The following CPA6 variants were observed in gnomAD, a reference collection of about 807,000 sequenced individuals.
The protein encoded by CPA6 is carboxypeptidase B.
Under a neutral mutation model 63.3 loss-of-function variants are expected in CPA6, and 58 were observed. The observed-to-expected ratio is 0.92, with a 90% CI of 0.74 to 1.14. The LOEUF (loss-of-function observed/expected upper bound fraction) is 1.14. Among genes scored for constraint, CPA6 ranks in the 50% most tolerant of loss-of-function variants. The pLI, the probability that CPA6 is intolerant of heterozygous loss-of-function variation, is 0.00. For synonymous variants in CPA6, 185 were observed against 179.0 expected, an observed-to-expected ratio of 1.03 and a Z score of -0.27; for missense variants, 565 against 526.6, an observed-to-expected ratio of 1.07 and a Z score of -0.71.
intron 8 of CPA6, among the ~76,000 whole-genome samples, chr8:67,437,285 C>T (rs1810182851): frequency 6.6e-6 from 1 of 152,176 alleles, no homozygotes; most frequent in African/African-American, 2.4e-5. Context: ...GTCCCAGCTA[C>T]TCGGTAAGCT....
At chr8:67,745,455 C>T (rs1817990248) in intron 1 of CPA6, among the ~76,000 whole-genome samples, 1 of 152,140 alleles carries the variant, frequency 6.6e-6, no homozygotes, top group Non-Finnish European at 1.5e-5. Context: ...TATGTTTTTC[C>T]TTCAGAAAAA....
At chr8:67,568,441 C>G (rs976610361) in intron 2 of CPA6, among the ~76,000 whole-genome samples, 1 of 151,988 alleles carries the variant, frequency 6.6e-6, no homozygotes, top group South Asian at 2.1e-4. Context: ...ACAAACAACA[C>G]CAGAAATTTG....
chr8:67,468,487 G>T (rs985493174), intron 8 of CPA6, among the ~76,000 whole-genome samples: 1 of 151,958 alleles, frequency 6.6e-6, no homozygotes, highest in Non-Finnish European at 1.5e-5. Context: ...TCGGGAGGCT[G>T]AGGCAGGAGA....
intron 1 of CPA6, among the ~76,000 whole-genome samples, chr8:67,699,966 T>A (rs998810147): frequency 6.6e-6 from 1 of 152,230 alleles, no homozygotes; most frequent in Non-Finnish European, 1.5e-5. Flanking sequence ...AAATTCTGTA[T>A]GCATTTCCAC....
At chr8:67,731,344 T>C (rs1817701811) in intron 1 of CPA6, among the ~76,000 whole-genome samples, 2 of 152,248 alleles carry the variant, frequency 1.3e-5, no homozygotes, top group African/African-American at 4.8e-5. Flanking sequence ...GGTTTCACCC[T>C]TGGAGAGTCC....
At chr8:67,736,378 C>T (rs1202214036) in intron 1 of CPA6, among the ~76,000 whole-genome samples, 2 of 152,174 alleles carry the variant, frequency 1.3e-5, no homozygotes, top group South Asian at 2.1e-4. Context: ...TCTGACATCC[C>T]AATTCCCTTC....
intron 1 of CPA6, among the ~76,000 whole-genome samples, chr8:67,634,216 ATTATTTATTTG>A (rs1815413895): frequency 2.1e-5 from 2 of 94,280 alleles, no homozygotes; most frequent in African/African-American, 8.7e-5. Flanking sequence ...TATTATTATT[ATTATTTATTTG>A]TTTTTTTTTT....
At chr8:67,638,020 T>C (rs1387445710) in intron 1 of CPA6, among the ~76,000 whole-genome samples, 4 of 150,350 alleles carry the variant, frequency 2.7e-5, no homozygotes, top group Non-Finnish European at 5.9e-5. Context: ...TGCATGCATG[T>C]GTGTTTGTGT....
intron 6 of CPA6, among the ~76,000 whole-genome samples, chr8:67,497,940 G>A (rs543770984): frequency 1.1e-4 from 17 of 151,632 alleles, no homozygotes; most frequent in South Asian, 6.3e-4. Flanking sequence ...GATTCATTCC[G>A]CCTCAGGTGT....
chr8:67,719,375 G>A (rs975162265), intron 1 of CPA6, among the ~76,000 whole-genome samples: 4 of 152,226 alleles, frequency 2.6e-5, no homozygotes, highest in South Asian at 2.1e-4. Flanking sequence ...TGGGCATGCT[G>A]TGGTCAGGAT....
chr8:67,464,437 A>G (rs995134245), intron 8 of CPA6, among the ~76,000 whole-genome samples: 5 of 152,178 alleles, frequency 3.3e-5, no homozygotes, highest in African/African-American at 1.2e-4. Context: ...TCAGATACAT[A>G]GTTTATGAAT....
chr8:67,738,421 C>T (rs932505407), intron 1 of CPA6, among the ~76,000 whole-genome samples: 3 of 152,190 alleles, frequency 2.0e-5, no homozygotes, highest in Non-Finnish European at 4.4e-5. Context: ...CAGAAGCAGC[C>T]TGGTTCTCTG....
chr8:67,680,756 C>T (rs1816574117), intron 1 of CPA6, among the ~76,000 whole-genome samples: 2 of 152,316 alleles, frequency 1.3e-5, no homozygotes, highest in South Asian at 4.1e-4. Flanking sequence ...CCCTGACTGG[C>T]TTTCTGGTTT....
At chr8:67,656,661 G>A (rs924550539) in intron 1 of CPA6, among the ~76,000 whole-genome samples, 4 of 152,216 alleles carry the variant, frequency 2.6e-5, no homozygotes, top group Non-Finnish European at 4.4e-5. Context: ...ATAAAAGGGT[G>A]TAAACTCACC....
At chr8:67,452,212 A>AG (rs1810571941) in intron 8 of CPA6, 1 of 152,274 alleles carries the variant, frequency 6.6e-6, no homozygotes, top group Non-Finnish European at 1.5e-5. Flanking sequence ...AAAGATGGGC[A>AG]GGGCCACAAA....
At chr8:67,473,818 G>C (rs925935239) in intron 8 of CPA6, among the ~76,000 whole-genome samples, 4 of 152,016 alleles carry the variant, frequency 2.6e-5, no homozygotes, top group South Asian at 2.1e-4. Context: ...TGTTGCCCAG[G>C]CTGGTCTCGA....
At chr8:67,588,983 C>T (rs111553258) in intron 2 of CPA6, among the ~76,000 whole-genome samples, 1 of 151,900 alleles carries the variant, frequency 6.6e-6, no homozygotes, top group Admixed American at 6.6e-5. Flanking sequence ...TGGGCATGGT[C>T]GTTCATGCCT....
At chr8:67,531,907 CTAT>C (rs1162474245) in intron 2 of CPA6, among the ~76,000 whole-genome samples, 14 of 145,078 alleles carry the variant, frequency 9.6e-5, no homozygotes, top group African/African-American at 3.7e-4. Flanking sequence ...ACAAAACTAT[CTAT>C]ATTTAGAAAT....
intron 1 of CPA6, among the ~76,000 whole-genome samples, chr8:67,624,760 G>A (rs900391956): frequency 1.3e-5 from 2 of 152,152 alleles, no homozygotes; most frequent in Non-Finnish European, 2.9e-5. Context: ...TCATTTCTCT[G>A]GTACAGAGCT....
Sources: allele counts gnomAD v4.1 joint callset (sites outside exome capture counted in the v4.1 genomes callset), GRCh38; gene constraint gnomAD v4.1.1; transcripts MANE v1.5; gene names NCBI Gene and HGNC (gene_info 2026-07-23, HGNC 2026-07-21).